C12orf42: variants seen among roughly 807,000 people sequenced by gnomAD.
C12orf42 encodes the protein uncharacterized protein C12orf42.
A neutral mutation model predicts 21.6 loss-of-function variants in C12orf42; 25 were observed. That is an observed-to-expected ratio of 1.16 (90% CI 0.84 to 1.62). The LOEUF is 1.62. Among genes scored for constraint, C12orf42 ranks in the 40% most tolerant of loss-of-function variants. The probability of loss-of-function intolerance (pLI) is 0.00; values close to 1 mark genes in which losing one functional copy is unlikely to be tolerated. For synonymous variants in C12orf42, 174 were observed against 175.0 expected, an observed-to-expected ratio of 0.99 and a Z score of 0.05; for missense variants, 483 against 459.3, an observed-to-expected ratio of 1.05 and a Z score of -0.47.
intron 5 of C12orf42, among the ~76,000 whole-genome samples, chr12:103,271,103 G>A (rs1396515635): frequency 2.0e-5 from 3 of 152,060 alleles, no homozygotes; most frequent in African/African-American, 4.8e-5. Flanking sequence ...TATGTATCAG[G>A]CAACAGCTGT....
chr12:103,108,433 A>T, the C12orf42 span, among the ~76,000 whole-genome samples: 1 of 152,028 alleles, frequency 6.6e-6, no homozygotes, highest in Non-Finnish European at 1.5e-5. Flanking sequence ...AATTAATTGA[A>T]CCCATCTCCT....
At chr12:103,131,851 T>A in the C12orf42 span, among the ~76,000 whole-genome samples, 2 of 152,094 alleles carry the variant, frequency 1.3e-5, no homozygotes, top group Non-Finnish European at 2.9e-5. Flanking sequence ...TTATTGATAA[T>A]GGTGTTGGTG....
chr12:103,535,686 T>G, the C12orf42 span, among the ~76,000 whole-genome samples: 1 of 152,206 alleles, frequency 6.6e-6, no homozygotes, highest in Non-Finnish European at 1.5e-5. Context: ...AGATGCTATA[T>G]GAAGCCATAA....
the C12orf42 span, among the ~76,000 whole-genome samples, chr12:103,110,152 A>G: frequency 2.0e-5 from 3 of 152,342 alleles, no homozygotes; most frequent in Admixed American, 1.3e-4. Flanking sequence ...GAGAGTAATA[A>G]CCCACATGTC....
the C12orf42 span, among the ~76,000 whole-genome samples, chr12:103,085,321 T>C: frequency 6.6e-6 from 1 of 152,182 alleles, no homozygotes; most frequent in Non-Finnish European, 1.5e-5. Context: ...GAAGCCTATC[T>C]GTCTTTCATT....
intron 3 of C12orf42, among the ~76,000 whole-genome samples, chr12:103,397,141 C>T (rs767800482): frequency 1.1e-4 from 16 of 152,294 alleles, no homozygotes; most frequent in African/African-American, 1.7e-4. Context: ...TACTTTCATT[C>T]GCCATCAGAT....
the C12orf42 span, among the ~76,000 whole-genome samples, chr12:103,106,730 A>C: frequency 6.6e-6 from 1 of 151,958 alleles, no homozygotes; most frequent in Admixed American, 6.6e-5. Flanking sequence ...GCACCAACAA[A>C]AGAAAGCATG....
chr12:103,096,496 T>C, the C12orf42 span, among the ~76,000 whole-genome samples: 1 of 152,282 alleles, frequency 6.6e-6, no homozygotes, highest in South Asian at 2.1e-4. Flanking sequence ...AGGAAAAAAT[T>C]TGAGCACCTC....
chr12:103,469,982 G>C (rs992405408), intron 2 of C12orf42, among the ~76,000 whole-genome samples: 1 of 152,142 alleles, frequency 6.6e-6, no homozygotes, highest in Non-Finnish European at 1.5e-5. Context: ...CATAAAATGA[G>C]TCACTGAATA....
the C12orf42 span, among the ~76,000 whole-genome samples, chr12:103,197,827 G>A: frequency 6.6e-6 from 1 of 152,168 alleles, no homozygotes; most frequent in African/African-American, 2.4e-5. Context: ...ACTTCAGTGA[G>A]ACAAGCCTCA....
intron 3 of C12orf42, among the ~76,000 whole-genome samples, chr12:103,373,250 A>G (rs1014663074): frequency 6.6e-6 from 1 of 152,236 alleles, no homozygotes; most frequent in African/African-American, 2.4e-5. Flanking sequence ...AGGCCACTCA[A>G]GCATCTGCTC....
intron 4 of C12orf42, among the ~76,000 whole-genome samples, chr12:103,295,119 T>C (rs760132166): frequency 4.6e-5 from 7 of 152,218 alleles, no homozygotes; most frequent in Non-Finnish European, 1.0e-4. Context: ...TTTATGGCTA[T>C]GTATTACTCC....
chr12:103,321,120 C>A (rs190207380), intron 4 of C12orf42, among the ~76,000 whole-genome samples: 130 of 152,024 alleles, frequency 8.6e-4, no homozygotes, highest in African/African-American at 2.9e-3. Flanking sequence ...ACTCATCTGA[C>A]AAAGGACTAA....
chr12:103,281,861 GGAGA>G, intron 4 of C12orf42, among the ~76,000 whole-genome samples: 1 of 144,766 alleles, frequency 6.9e-6, no homozygotes, highest in Non-Finnish European at 1.5e-5. Context: ...ACTAGACTAT[GGAGA>G]GAGAGAGAAA....
chr12:103,177,689 T>G, the C12orf42 span, among the ~76,000 whole-genome samples: 11 of 152,194 alleles, frequency 7.2e-5, no homozygotes, highest in African/African-American at 2.4e-4. Context: ...ATAGTTAAAT[T>G]CATCACATAA....
intron 4 of C12orf42, among the ~76,000 whole-genome samples, chr12:103,330,436 T>C (rs566793013): frequency 7.5e-4 from 114 of 152,338 alleles, no homozygotes; most frequent in Non-Finnish European, 1.4e-3. Flanking sequence ...ATTAGTCTCA[T>C]TAGTCTCAAT....
the C12orf42 span, among the ~76,000 whole-genome samples, chr12:103,208,100 C>T: frequency 6.6e-6 from 1 of 152,176 alleles, no homozygotes; most frequent in Non-Finnish European, 1.5e-5. Context: ...GGATTTATTG[C>T]AGATGTAGCA....
chr12:103,283,500 A>G (rs2036257755), intron 4 of C12orf42, among the ~76,000 whole-genome samples: 2 of 152,206 alleles, frequency 1.3e-5, no homozygotes, highest in Non-Finnish European at 2.9e-5. Flanking sequence ...TCTGGCCTCC[A>G]CTAACTCATC....
At chr12:103,538,019 G>A in the C12orf42 span, among the ~76,000 whole-genome samples, 1 of 152,196 alleles carries the variant, frequency 6.6e-6, no homozygotes. Flanking sequence ...GAAGAAGAGA[G>A]TAGTCACCAA....
Sources: allele counts gnomAD v4.1 joint callset (sites outside exome capture counted in the v4.1 genomes callset), GRCh38; gene constraint gnomAD v4.1.1; transcripts MANE v1.5; gene names NCBI Gene and HGNC (gene_info 2026-07-23, HGNC 2026-07-21).